The following SCN8A variants were observed in gnomAD, a reference collection of about 807,000 sequenced individuals.
SCN8A encodes the protein sodium voltage-gated channel alpha subunit 8, also known as sodium channel protein type 8 subunit alpha.
Under a neutral mutation model 184.1 loss-of-function variants are expected in SCN8A, and 30 were observed. The ratio of observed to expected loss-of-function variants is 0.16; its 90% CI spans 0.12 to 0.22. The LOEUF is 0.22. Among genes scored for constraint, SCN8A ranks in the 10% least tolerant of loss-of-function variants. The pLI, the probability that SCN8A is intolerant of heterozygous loss-of-function variation, is 1.00. For missense variants in SCN8A, 1,057 were observed against 2,498.9 expected, an observed-to-expected ratio of 0.42 and a Z score of 12.30; for synonymous variants, 852 against 907.0, an observed-to-expected ratio of 0.94 and a Z score of 1.09.
intron 1 of SCN8A, among the ~76,000 whole-genome samples, chr12:51,634,910 A>G (rs1940283021): frequency 6.6e-6 from 1 of 152,148 alleles, no homozygotes; most frequent in African/African-American, 2.4e-5. Context: ...TTGGCCTCCC[A>G]AAGTTCTGGG....
intron 5 of SCN8A, chr12:51,688,671 G>A: frequency 1.2e-6 from 1 of 843,718 alleles, no homozygotes; most frequent in Non-Finnish European, 2.0e-6. Flanking sequence ...TGAAACCATA[G>A]CTTGTATATA....
In SCN8A at chr12:51,721,620, A is replaced by C; in HGVS notation, c.1710A>C (p.Gly570=). Residue 570 remains glycine (G), a synonymous_variant, in exon 12 of 27, where the codon GGA becomes GGC. Coordinates refer to ENST00000627620, the MANE Select transcript of SCN8A (RefSeq NM_001330260.2). ...NSKSSIFSFR[G]PGRFRDPGSE... is the part of the protein sequence containing the mutation. ...AGAGCAGCATCTTCAGTTTCAGGGGACCTGGGCGGTTCCGAGACCCGGGCT... is the reference window on the plus strand; with the variant it reads ...AGAGCAGCATCTTCAGTTTCAGGGGCCCTGGGCGGTTCCGAGACCCGGGCT... 2.5e-6 allele frequency: 4 copies of C among 1,612,838 alleles called. No individual in the cohort carries two copies. The highest frequency in any genetic ancestry group is 8.5e-7 in the Non-Finnish European group (1 of 1,179,502).
intron 16 of SCN8A, chr12:51,768,078 C>T (rs1181692628): frequency 6.6e-6 from 1 of 152,176 alleles, no homozygotes. Context: ...ACTGTTATCT[C>T]CTCCTAAAAT....
chr12:51,734,674 C>T (rs1182379446), intron 12 of SCN8A, among the ~76,000 whole-genome samples: 1 of 152,212 alleles, frequency 6.6e-6, no homozygotes, highest in African/African-American at 2.4e-5. Context: ...GTTTTGGGGC[C>T]AGTTTATGGC....
chr12:51,672,449 T>A (rs1214805745), intron 2 of SCN8A, among the ~76,000 whole-genome samples: 1 of 152,186 alleles, frequency 6.6e-6, no homozygotes, highest in East Asian at 1.9e-4. Context: ...TTTCTTTTTA[T>A]CTCAAATGTT....
chr12:51,791,761 C>T (rs1257610475), intron 25 of SCN8A, among the ~76,000 whole-genome samples: 1 of 152,110 alleles, frequency 6.6e-6, no homozygotes, highest in African/African-American at 2.4e-5. Context: ...TACCTGTGGT[C>T]CTCACTACGT....
intron 2 of SCN8A, among the ~76,000 whole-genome samples, chr12:51,667,501 C>A (rs1229024028): frequency 6.6e-6 from 1 of 151,866 alleles, no homozygotes; most frequent in Non-Finnish European, 1.5e-5. Context: ...CATACGCATG[C>A]GCCACCACAT....
chr12:51,810,549 A>G lies in SCN8A; in HGVS notation c.*3120A>G, dbSNP rs940085588. On this transcript the variant is annotated 3_prime_UTR_variant, in exon 27 of 27. Transcript: ENST00000627620. ...ATATATATAGATATATAAATATAAT[A>G]TAAATATTTATTTTTTGTAGCCAGG... 7 of 171,206 alleles carry G rather than the reference A, an allele frequency of 4.1e-5. No individual in the cohort carries two copies. The highest frequency in any genetic ancestry group is 8.7e-5 in the Non-Finnish European group (7 of 80,590). The allele number at this position is 171,206 out of a possible 1,614,324, so 10.6% of individuals were successfully genotyped here. A position where few individuals can be genotyped will look rare whatever the true frequency, so the allele number is the denominator to read the frequency against.
Position 51,706,505 on chromosome 12 carries a change from G to A in SCN8A, c.1425G>A (p.Arg475=), listed in dbSNP as rs2138750179. 6.2e-7 allele frequency: 1 copy of A among 1,604,892 alleles called. No homozygotes were observed. The highest frequency in any genetic ancestry group is 2.2e-5 in the East Asian group (1 of 44,516). ...EEGEEGGGSP[R]SSSEISKLSS... ...GTGAAGAAGGAGGGGGCTCCCCTCG[G>A]AGCTCTTCTGAAATCTCTAAACTCA... Residue 475 remains arginine (R), a synonymous_variant, in exon 11 of 27, where the codon CGG becomes CGA. Transcript: ENST00000627620.
chr12:51,797,811 C>T (rs1297877684), intron 26 of SCN8A, among the ~76,000 whole-genome samples: 1 of 152,136 alleles, frequency 6.6e-6, no homozygotes, highest in Non-Finnish European at 1.5e-5. Context: ...TAGAGGTAGC[C>T]CAAAGTGGCT....
intron 1 of SCN8A, among the ~76,000 whole-genome samples, chr12:51,606,033 C>G (rs1428873766): frequency 6.6e-6 from 1 of 152,020 alleles, no homozygotes; most frequent in Non-Finnish European, 1.5e-5. Context: ...AGATTTTCTC[C>G]TCTGTGGGTT....
At chr12:51,752,739 G>C (rs1942615549) in intron 14 of SCN8A, among the ~76,000 whole-genome samples, 1 of 152,218 alleles carries the variant, frequency 6.6e-6, no homozygotes, top group Non-Finnish European at 1.5e-5. Flanking sequence ...TCTGAAAGGT[G>C]CCTGTCAGTG....
intron 25 of SCN8A, among the ~76,000 whole-genome samples, chr12:51,793,203 A>T (rs1938314897): frequency 6.6e-6 from 1 of 152,214 alleles, no homozygotes; most frequent in South Asian, 2.1e-4. Flanking sequence ...TAAAAATGGA[A>T]TGAAGTGGAT....
chr12:51,736,461 A>G (rs909436311), intron 12 of SCN8A, among the ~76,000 whole-genome samples: 2 of 152,250 alleles, frequency 1.3e-5, no homozygotes, highest in Non-Finnish European at 2.9e-5. Context: ...AAGATGAGGA[A>G]TGTACCATTT....
chr12:51,784,930 C>T (rs898802544), intron 21 of SCN8A, among the ~76,000 whole-genome samples: 1 of 152,160 alleles, frequency 6.6e-6, no homozygotes, highest in African/African-American at 2.4e-5. Flanking sequence ...GTCTTTGGGG[C>T]CTACTTCCTG....
At chr12:51,638,837 A>G (rs568594117) in intron 1 of SCN8A, among the ~76,000 whole-genome samples, 47 of 152,154 alleles carry the variant, frequency 3.1e-4, no homozygotes, top group African/African-American at 9.9e-4. Flanking sequence ...CAGGATGTTC[A>G]TGGGGGAGGG....
At chr12:51,608,283 T>C (rs2138572272) in intron 1 of SCN8A, among the ~76,000 whole-genome samples, 1 of 152,280 alleles carries the variant, frequency 6.6e-6, no homozygotes, top group African/African-American at 2.4e-5. Context: ...GTGCTGGGAT[T>C]ACAGGCGTGA....
intron 13 of SCN8A, among the ~76,000 whole-genome samples, chr12:51,748,555 G>A (rs758124899): frequency 5.9e-5 from 9 of 152,172 alleles, no homozygotes; most frequent in Non-Finnish European, 1.2e-4. Flanking sequence ...AGGGGAGATC[G>A]TGGTGAAGTA....
At chr12:51,621,053 G>A (rs1194911896) in intron 1 of SCN8A, among the ~76,000 whole-genome samples, 1 of 152,048 alleles carries the variant, frequency 6.6e-6, no homozygotes, top group African/African-American at 2.4e-5. Flanking sequence ...GAAATATGAT[G>A]GTTCTTATAA....
Sources: gnomAD v4.1 joint callset for allele counts (sites outside exome capture counted in the v4.1 genomes callset) on GRCh38, gnomAD v4.1.1 for gene constraint, MANE v1.5 for transcripts, NCBI Gene and HGNC (gene_info 2026-07-23, HGNC 2026-07-21) for gene names.